Variants in KLKB1 observed in about 807,000 individuals in gnomAD.
KLKB1 encodes kallikrein B1.
Under a neutral mutation model 73.6 loss-of-function variants are expected in KLKB1, and 58 were observed. The observed-to-expected ratio is 0.79, with a 90% confidence interval of 0.64 to 0.98. The LOEUF (loss-of-function observed/expected upper bound fraction) is 0.98, where lower values mean the gene tolerates loss of function less well. Among genes scored for constraint, KLKB1 ranks in the 50% least tolerant of loss-of-function variants. KLKB1 has a pLI of 0.00. For missense variants in KLKB1, 737 were observed against 763.8 expected (o/e 0.96, Z 0.41); for synonymous variants, 280 against 258.1 (o/e 1.08, Z -0.81).
intron 2 of KLKB1, among the ~76,000 whole-genome samples, chr4:186,214,980 T>C (rs1054482509): frequency 2.0e-5 from 3 of 152,226 alleles, no homozygotes; most frequent in African/African-American, 7.2e-5. Flanking sequence ...CTGTTGTGGT[T>C]TGCATTTATT....
At chr4:186,220,488 C>A (rs1366325047) in intron 2 of KLKB1, among the ~76,000 whole-genome samples, 3 of 152,202 alleles carry the variant, frequency 2.0e-5, no homozygotes, top group African/African-American at 7.2e-5. Flanking sequence ...ACTCCCCATA[C>A]TCTGGCTACC....
intron 11 of KLKB1, among the ~76,000 whole-genome samples, chr4:186,253,982 C>T (rs909949821): frequency 9.9e-5 from 15 of 152,064 alleles, no homozygotes; most frequent in Middle Eastern, 3.4e-3. Context: ...ATTACAGGCG[C>T]GCGCCACACC....
rs188731437 is a variant in KLKB1, at chr4:186,228,435, G to C, written c.58+182G>C. Reference sequence around the variant, plus strand: ...AGGACCACTTGTCAGGTATATTGCTGTAGACATATGTTGCAGACCAGAGGA... The same window carrying C: ...AGGACCACTTGTCAGGTATATTGCTCTAGACATATGTTGCAGACCAGAGGA... On this transcript the variant is annotated intron_variant, in intron 2 of 14. Coordinates refer to ENST00000264690, the MANE Select transcript of KLKB1 (RefSeq NM_000892.5). Among the ~76,000 whole-genome samples the C allele has an allele frequency of 3.0e-3, 463 of 152,288 alleles. 3 individuals are homozygous for C. Among genetic ancestry groups the C allele is most frequent in the African/African-American group, 0.01 (436 of 41,572 alleles).
chr4:186,243,214 G>A (rs548420580), intron 6 of KLKB1, among the ~76,000 whole-genome samples: 1 of 152,288 alleles, frequency 6.6e-6, no homozygotes, highest in South Asian at 2.1e-4. Context: ...GGAACACTGA[G>A]CAGTTATTTT....
In KLKB1 at chr4:186,256,586, T is replaced by G. The variant is rs551072774; in HGVS notation, c.1585+499T>G. 2.0e-5 allele frequency among the ~76,000 whole-genome samples: 3 copies of G among 152,316 alleles called. No individual in the cohort carries two copies. The South Asian group carries it at 6.2e-4, about 32-fold the overall frequency. ...AAGTAATTCACATTTTTAGATTTTT[T>G]ATTGGTAATCTGAGACAAGAAGAAA... On this transcript the variant is annotated intron_variant, in intron 13 of 14. Transcript: ENST00000264690.
chr4:186,250,583 C>G (rs1738617935), intron 7 of KLKB1, 181 bp downstream of exon 7: 2 of 713,010 alleles, frequency 2.8e-6, no homozygotes, highest in South Asian at 3.1e-5. Flanking sequence ...AAGAGATTAG[C>G]AGACTTCTCT....
At chr4:186,237,105 T>C (rs1262082419) in intron 5 of KLKB1, among the ~76,000 whole-genome samples, 165 bp downstream of exon 5, 1 of 152,174 alleles carries the variant, frequency 6.6e-6, no homozygotes, top group Non-Finnish European at 1.5e-5. Flanking sequence ...TTTATTTATT[T>C]ATTTATTTAT....
rs1439169779 is a variant in KLKB1, at chr4:186,245,805, TTTTTTTG to T, written c.599-4434_599-4428del. 5.9e-4 allele frequency among the ~76,000 whole-genome samples: 53 copies of T among 89,252 alleles called. 6 individuals are homozygous for T. Among genetic ancestry groups the T allele is most frequent in the African/African-American group, 1.2e-3 (27 of 23,232 alleles). 58.6% of individuals were successfully genotyped at this position (89,252 alleles called of 152,430 possible). ...GGGCTGGAATCTAATTTTTGGAGTT[TTTTTTTG>T]TTTGTTTTTTGGTTTTTTTTTTTTA... On this transcript the variant is annotated intron_variant, in intron 6 of 14. Coordinates refer to ENST00000264690, the MANE Select transcript of KLKB1 (RefSeq NM_000892.5).
chr4:186,233,624 T>G (rs909382221), intron 3 of KLKB1, among the ~76,000 whole-genome samples: 5 of 152,254 alleles, frequency 3.3e-5, no homozygotes, highest in Non-Finnish European at 7.3e-5. Context: ...GTTAACTTTT[T>G]AAGTAAATGA....
Position 186,251,557 on chromosome 4 carries a change from A to C in KLKB1, c.939A>C (p.Lys313Asn), listed in dbSNP as rs145225796. ...AAGAATTGAATGTGACTTTTGTTAA[A>C]GGAGTGAATGTTTGCCAAGAGACTT... The part of the protein sequence containing the change: ...GGEELNVTFV[K>N]GVNVCQETCT... The change falls in exon 9 of 15, where the codon AAA becomes AAC. Residue 313 changes from lysine to asparagine, a missense_variant. By Grantham distance (94) the Lys-to-Asn change is moderately conservative. Coordinates refer to ENST00000264690, the MANE Select transcript of KLKB1 (RefSeq NM_000892.5). 6.2e-7 allele frequency: 1 copy of C among 1,613,922 alleles called. No homozygotes were observed. The highest frequency in any genetic ancestry group is 8.5e-7 in the Non-Finnish European group (1 of 1,179,894).
Position 186,245,823 on chromosome 4 carries a change from G to GT in KLKB1, c.599-4420_599-4419insT, listed in dbSNP as rs1561460148. Reference sequence around the variant, plus strand: ...TGGAGTTTTTTTTTGTTTGTTTTTTGGTTTTTTTTTTTTAATGTCAGGAGC... The same window carrying GT: ...TGGAGTTTTTTTTTGTTTGTTTTTTGTGTTTTTTTTTTTTAATGTCAGGAGC... On this transcript the variant is annotated intron_variant, in intron 6 of 14. Coordinates refer to ENST00000264690, the MANE Select transcript of KLKB1 (RefSeq NM_000892.5). Among the ~76,000 whole-genome samples the GT allele has an allele frequency of 3.4e-3, 165 of 48,616 alleles. 7 individuals are homozygous for GT. The highest frequency in any genetic ancestry group is 5.4e-3 in the African/African-American group (101 of 18,764). 31.9% of individuals were successfully genotyped at this position (48,616 alleles called of 152,430 possible). A position where few individuals can be genotyped will look rare whatever the true frequency, so the allele number is the denominator to read the frequency against.
chr4:186,244,913 C>A (rs562949561), intron 6 of KLKB1, among the ~76,000 whole-genome samples: 1 of 151,806 alleles, frequency 6.6e-6, no homozygotes, highest in African/African-American at 2.4e-5. Flanking sequence ...AAGGGGTGCA[C>A]GATAGGTTGC....
chr4:186,246,795 C>T (rs190051599), intron 6 of KLKB1, among the ~76,000 whole-genome samples: 71 of 152,200 alleles, frequency 4.7e-4, no homozygotes, highest in African/African-American at 1.4e-3. Flanking sequence ...CAGGCATTCG[C>T]GCGGTGATCA....
At chr4:186,212,862 A>G (rs1376385655) in intron 2 of KLKB1, 1 of 152,242 alleles carries the variant, frequency 6.6e-6, no homozygotes, top group Non-Finnish European at 1.5e-5. Context: ...CCTACAACCC[A>G]GGCCCTAAGT....
chr4:186,231,823 A>AT (rs1208211909), intron 2 of KLKB1, among the ~76,000 whole-genome samples: 1 of 152,254 alleles, frequency 6.6e-6, no homozygotes, highest in African/African-American at 2.4e-5. Context: ...TTTTCATAGC[A>AT]TGTCAGGCAA....
rs1314703539 is a variant in KLKB1, at chr4:186,211,741, C to T, written c.201+2469C>T. The T allele has an allele frequency of 2.0e-5, 3 of 150,388 alleles. No individual in the cohort carries two copies. The East Asian group carries it at 5.8e-4, about 29-fold the overall frequency. The allele number at this position is 150,388 out of a possible 1,614,324, so 9.3% of individuals were successfully genotyped here. ...AAGAGGTGAGTATGTACTCTGACTTCAGCTCTCAGGTTTTAAAAATTATAT... is the reference window on the plus strand; with the variant it reads ...AAGAGGTGAGTATGTACTCTGACTTTAGCTCTCAGGTTTTAAAAATTATAT... On this transcript the variant is annotated intron_variant, in intron 2 of 14. Transcript: ENST00000511608.
At chr4:186,214,360 T>A (rs1736828296) in intron 2 of KLKB1, among the ~76,000 whole-genome samples, 1 of 152,200 alleles carries the variant, frequency 6.6e-6, no homozygotes, top group African/African-American at 2.4e-5. Flanking sequence ...AGGACTGTCT[T>A]TCATTTATGA....
At chr4:186,216,647 G>A (rs565827486) in intron 2 of KLKB1, among the ~76,000 whole-genome samples, 2 of 152,306 alleles carry the variant, frequency 1.3e-5, no homozygotes, top group South Asian at 2.1e-4. Flanking sequence ...TTTCAAGCAC[G>A]TGCAGTTTGT....
At chr4:186,238,580 G>T (rs938314302) in intron 6 of KLKB1, among the ~76,000 whole-genome samples, 2 of 152,192 alleles carry the variant, frequency 1.3e-5, no homozygotes, top group African/African-American at 2.4e-5. Context: ...TGCTCACAAG[G>T]CTCATAAGAA....
Sources: allele counts gnomAD v4.1 joint callset (sites outside exome capture counted in the v4.1 genomes callset), GRCh38; gene constraint gnomAD v4.1.1; transcripts MANE v1.5; gene names NCBI Gene and HGNC (gene_info 2026-07-23, HGNC 2026-07-21).